Variants in COL5A2 observed in about 807,000 individuals in gnomAD.
The protein encoded by COL5A2 is collagen alpha-2(V) chain.
COL5A2 carries 23 observed loss-of-function variants against 208.2 expected under a neutral mutation model. The observed-to-expected ratio is 0.11, with a 90% CI of 0.08 to 0.16. The LOEUF is 0.16. Ranked by LOEUF, COL5A2 falls within the 10% of genes least tolerant of loss-of-function variation. The pLI is 1.00. For synonymous variants in COL5A2, 625 were observed against 628.5 expected, an observed-to-expected ratio of 0.99 and a Z score of 0.08; for missense variants, 1,590 against 1,956.4, an observed-to-expected ratio of 0.81 and a Z score of 3.53.
At chr2:189,323,885 C>G in the COL5A2 span, among the ~76,000 whole-genome samples, 5 of 152,288 alleles carry the variant, frequency 3.3e-5, no homozygotes, top group South Asian at 1.0e-3. Flanking sequence ...GCCAAAAGAA[C>G]AAAGCTGGAG....
intron 1 of COL5A2, among the ~76,000 whole-genome samples, chr2:189,195,558 C>G (rs773378879): frequency 6.6e-6 from 1 of 152,156 alleles, no homozygotes; most frequent in Non-Finnish European, 1.5e-5. Flanking sequence ...TACCTGACTT[C>G]AAAGTATACT....
At chr2:189,303,710 TCATA>T in the COL5A2 span, among the ~76,000 whole-genome samples, 1 of 152,176 alleles carries the variant, frequency 6.6e-6, no homozygotes, top group African/African-American at 2.4e-5. Flanking sequence ...CTTCAACCAC[TCATA>T]GACTGCTGAA....
At chr2:189,173,573 A>G (rs1688616198) in intron 1 of COL5A2, among the ~76,000 whole-genome samples, 2 of 152,178 alleles carry the variant, frequency 1.3e-5, no homozygotes, top group Non-Finnish European at 1.5e-5. Flanking sequence ...AAATTTAGAT[A>G]AATATATATG....
the COL5A2 span, among the ~76,000 whole-genome samples, chr2:189,382,676 G>C: frequency 1.3e-5 from 2 of 152,192 alleles, no homozygotes; most frequent in African/African-American, 4.8e-5. Flanking sequence ...CAAGTGGGCT[G>C]AGTCTGGGAA....
chr2:189,035,671 A>G (rs1054881373), intron 52 of COL5A2, among the ~76,000 whole-genome samples: 1 of 152,126 alleles, frequency 6.6e-6, no homozygotes, highest in Non-Finnish European at 1.5e-5. Context: ...TATTTTACAT[A>G]TTATATTAGC....
chr2:189,256,338 T>C, the COL5A2 span, among the ~76,000 whole-genome samples: 1 of 152,286 alleles, frequency 6.6e-6, no homozygotes, highest in East Asian at 1.9e-4. Flanking sequence ...TACTCTGCAG[T>C]GCTATTTTCT....
the COL5A2 span, among the ~76,000 whole-genome samples, chr2:189,291,909 T>C: frequency 1.3e-5 from 2 of 152,170 alleles, no homozygotes; most frequent in South Asian, 4.1e-4. Context: ...GAAACCTATA[T>C]GGATATTTTT....
chr2:189,036,590 A>G, intron 52 of COL5A2, 26 bp downstream of exon 52: 5 of 1,564,820 alleles, frequency 3.2e-6, no homozygotes, highest in Non-Finnish European at 4.4e-6. Flanking sequence ...TAAAGAATAC[A>G]ATTTTAAGTA....
the COL5A2 span, among the ~76,000 whole-genome samples, chr2:189,237,437 T>A: frequency 6.6e-6 from 1 of 151,132 alleles, no homozygotes; most frequent in African/African-American, 2.4e-5. Flanking sequence ...AGCAAATGAA[T>A]ATAGTAGTCA....
At chr2:189,400,094 T>C in the COL5A2 span, among the ~76,000 whole-genome samples, 1,103 of 152,274 alleles carry the variant, frequency 7.2e-3, 15 homozygotes, top group African/African-American at 0.025. Context: ...TTTTCTTTTT[T>C]GTTTGTTGAT....
chr2:189,125,564 C>T (rs1052194897), intron 1 of COL5A2, among the ~76,000 whole-genome samples: 8 of 152,116 alleles, frequency 5.3e-5, no homozygotes, highest in African/African-American at 1.9e-4. Flanking sequence ...AGAATGACTA[C>T]ATTTATGATG....
intron 1 of COL5A2, among the ~76,000 whole-genome samples, chr2:189,195,282 G>A (rs957692563): frequency 6.6e-6 from 1 of 152,114 alleles, no homozygotes; most frequent in East Asian, 1.9e-4. Context: ...TCTTCAAGGA[G>A]AGCTACAAAC....
chr2:189,083,989 A>C lies in COL5A2; in HGVS notation c.847T>G (p.Ser283Ala). 6.2e-7 allele frequency: 1 copy of C among 1,611,850 alleles called. No homozygotes were observed. The highest frequency in any genetic ancestry group is 8.5e-7 in the Non-Finnish European group (1 of 1,178,076). Reference protein sequence around the residue: ...GNPGEVGFAGSPGARGFPGAP... With the variant: ...GNPGEVGFAGAPGARGFPGAP... The stretch of plus-strand genomic sequence containing the variant: ...TATGTTGAGTATAAACTTACCGGAG[A>C]TCCTGCAAATCCCACTTCACCAGGA... Residue 283 changes from serine (S) to alanine (A), a missense_variant, in exon 12 of 54, where the codon TCT becomes GCT. Physicochemically the swap from Ser to Ala is moderately conservative, Grantham distance 99 (BLOSUM62 1). Transcript: ENST00000374866.
the COL5A2 span, among the ~76,000 whole-genome samples, chr2:189,362,105 A>G: frequency 6.6e-6 from 1 of 152,076 alleles, no homozygotes; most frequent in Admixed American, 6.6e-5. Flanking sequence ...TTGTAAGGTA[A>G]TTGCTTTCTT....
intron 1 of COL5A2, among the ~76,000 whole-genome samples, chr2:189,142,488 A>T (rs1488647775): frequency 6.6e-6 from 1 of 152,144 alleles, no homozygotes; most frequent in Non-Finnish European, 1.5e-5. Flanking sequence ...CTTATTAAGC[A>T]CTCAATAAAT....
chr2:189,227,922 C>T (rs1162481402), upstream of COL5A2, among the ~76,000 whole-genome samples: 1 of 151,902 alleles, frequency 6.6e-6, no homozygotes, highest in Non-Finnish European at 1.5e-5. Context: ...GTATAGATCA[C>T]ATACTAGGTC....
intron 1 of COL5A2, among the ~76,000 whole-genome samples, chr2:189,214,790 T>C (rs911156375): frequency 6.6e-6 from 1 of 152,194 alleles, no homozygotes; most frequent in Non-Finnish European, 1.5e-5. Flanking sequence ...TTTCTTGTGG[T>C]AATTTGAAAT....
chr2:189,241,478 C>G, the COL5A2 span, among the ~76,000 whole-genome samples: 138 of 152,286 alleles, frequency 9.1e-4, no homozygotes, highest in African/African-American at 3.3e-3. Flanking sequence ...CCACGATTAT[C>G]CTATTGTTCA....
intron 1 of COL5A2, among the ~76,000 whole-genome samples, chr2:189,128,613 G>C (rs1687652983): frequency 6.6e-6 from 1 of 151,844 alleles, no homozygotes. Flanking sequence ...TACTTCTAGT[G>C]ACTCTGATTT....
Sources: gnomAD v4.1 joint callset for allele counts (sites outside exome capture counted in the v4.1 genomes callset) on GRCh38, gnomAD v4.1.1 for gene constraint, MANE v1.5 for transcripts, NCBI Gene and HGNC (gene_info 2026-07-23, HGNC 2026-07-21) for gene names.